Variants in MYO16 observed in about 807,000 individuals in gnomAD.
The protein encoded by MYO16 is unconventional myosin-XVI.
Under a neutral mutation model 205.3 loss-of-function variants are expected in MYO16, and 94 were observed. The ratio of observed to expected loss-of-function variants is 0.46; its 90% CI spans 0.39 to 0.54. The LOEUF is 0.54. Ranked by LOEUF, MYO16 falls within the 20% of genes least tolerant of loss-of-function variation. MYO16 has a pLI of 0.00. For missense variants in MYO16, 2,315 were observed against 2,387.5 expected, an observed-to-expected ratio of 0.97 and a Z score of 0.63; for synonymous variants, 988 against 954.0, an observed-to-expected ratio of 1.04 and a Z score of -0.66.
At chr13:109,000,426 C>A (rs1185817874) in intron 21 of MYO16, among the ~76,000 whole-genome samples, 1 of 152,202 alleles carries the variant, frequency 6.6e-6, no homozygotes, top group Non-Finnish European at 1.5e-5. Context: ...GGAGCTGCTC[C>A]AGCACAGGCC....
chr13:108,771,190 T>C (rs1364259157), intron 4 of MYO16, among the ~76,000 whole-genome samples: 3 of 152,170 alleles, frequency 2.0e-5, no homozygotes, highest in Non-Finnish European at 4.4e-5. Flanking sequence ...TATAGATATA[T>C]ACACGGGGGG....
the MYO16 span, among the ~76,000 whole-genome samples, chr13:108,533,244 A>C: frequency 6.6e-6 from 1 of 152,106 alleles, no homozygotes; most frequent in African/African-American, 2.4e-5. Flanking sequence ...ACCTCCCGAG[A>C]GGTAACTATT....
At chr13:109,198,613 TTAAC>T (rs1289695438) in intron 34 of MYO16, among the ~76,000 whole-genome samples, 1 of 152,204 alleles carries the variant, frequency 6.6e-6, no homozygotes, top group Non-Finnish European at 1.5e-5. Flanking sequence ...TTAGCATTAC[TTAAC>T]TGAGTCATCA....
intron 4 of MYO16, among the ~76,000 whole-genome samples, chr13:108,733,107 A>G (rs1884577014): frequency 6.6e-6 from 1 of 152,102 alleles, no homozygotes; most frequent in African/African-American, 2.4e-5. Flanking sequence ...TTGTGAGGTG[A>G]TTTATTCTGA....
chr13:109,036,217 G>A (rs149536244), intron 23 of MYO16, among the ~76,000 whole-genome samples: 193 of 152,250 alleles, frequency 1.3e-3, no homozygotes, highest in African/African-American at 4.3e-3. Flanking sequence ...ATCCAGTGTT[G>A]GTGGATAGAG....
intron 20 of MYO16, among the ~76,000 whole-genome samples, chr13:108,968,636 A>C (rs76810068): frequency 0.017 from 2,637 of 152,232 alleles, 52 homozygotes; most frequent in African/African-American, 0.058. Flanking sequence ...CAAAAGAAAA[A>C]AAAAGACAAT....
chr13:108,873,291 A>G (rs374163695), intron 12 of MYO16, among the ~76,000 whole-genome samples: 4 of 152,262 alleles, frequency 2.6e-5, no homozygotes, highest in East Asian at 1.9e-4. Context: ...TGACTTCTCC[A>G]TTTCATATTT....
rs117724237 is a variant in MYO16, at chr13:108,885,076, C to T, written c.1553+1890C>T. Among the ~76,000 whole-genome samples the T allele has an allele frequency of 5.4e-3, 828 of 152,328 alleles. 3 individuals carry two copies. Among genetic ancestry groups the T allele is most frequent in the Non-Finnish European group, 0.01 (686 of 68,026 alleles). On this transcript the variant is annotated intron_variant, in intron 13 of 34. Coordinates refer to ENST00000457511, the MANE Select transcript of MYO16 (RefSeq NM_001198950.3). Reference sequence around the variant, plus strand: ...AGGCACTGAGGTGGGGGCTCCAACCCATTCTAGACTCAAGGATGAGAAAGG... The same window carrying T: ...AGGCACTGAGGTGGGGGCTCCAACCTATTCTAGACTCAAGGATGAGAAAGG...
chr13:109,191,810 TA>T (rs1274981626), intron 34 of MYO16, among the ~76,000 whole-genome samples: 1 of 152,248 alleles, frequency 6.6e-6, no homozygotes, highest in Non-Finnish European at 1.5e-5. Context: ...GACTATATCA[TA>T]TTACAACCTT....
chr13:108,749,438 C>G (rs974024245), intron 4 of MYO16, among the ~76,000 whole-genome samples: 2 of 152,090 alleles, frequency 1.3e-5, no homozygotes, highest in African/African-American at 4.8e-5. Context: ...ACAAACAACC[C>G]AAATAAGAAT....
chr13:108,879,577 G>T (rs948361649), intron 12 of MYO16, among the ~76,000 whole-genome samples: 1 of 152,034 alleles, frequency 6.6e-6, no homozygotes, highest in South Asian at 2.1e-4. Context: ...CGTTCTCACT[G>T]TTCAATTCCC....
upstream of MYO16, chr13:108,629,539 A>G (rs1358296973): frequency 1.9e-5 from 6 of 317,282 alleles, no homozygotes; most frequent in East Asian, 9.9e-5. Flanking sequence ...GTGAACACCA[A>G]TTAGAGCTGA....
chr13:109,023,872 A>G (rs1242896588), intron 23 of MYO16, among the ~76,000 whole-genome samples: 4 of 138,704 alleles, frequency 2.9e-5, no homozygotes, highest in East Asian at 4.2e-4. Flanking sequence ...AATTTATTAA[A>G]TTTTATTAAA....
chr13:109,095,480 G>C (rs570485876), intron 27 of MYO16, among the ~76,000 whole-genome samples: 22 of 152,292 alleles, frequency 1.4e-4, no homozygotes, highest in Non-Finnish European at 2.8e-4. Flanking sequence ...TATTCCAAAA[G>C]ACAAGATGTT....
chr13:109,161,572 G>A (rs1878387538), intron 32 of MYO16, among the ~76,000 whole-genome samples: 1 of 152,196 alleles, frequency 6.6e-6, no homozygotes, highest in South Asian at 2.1e-4. Flanking sequence ...ACACCTGGGT[G>A]ATGGTAACTA....
At chr13:108,937,825 T>C (rs1566421753) in intron 16 of MYO16, among the ~76,000 whole-genome samples, 1 of 152,330 alleles carries the variant, frequency 6.6e-6, no homozygotes, top group East Asian at 1.9e-4. Flanking sequence ...CAACCTTGTC[T>C]TGGATCTCAA....
chr13:109,062,088 G>C (rs1352106710), intron 27 of MYO16, among the ~76,000 whole-genome samples: 1 of 152,194 alleles, frequency 6.6e-6, no homozygotes, highest in African/African-American at 2.4e-5. Context: ...GAGAAAGAGA[G>C]AGAGAGAGAT....
intron 4 of MYO16, among the ~76,000 whole-genome samples, chr13:108,729,853 G>A (rs932677): frequency 0.95 from 144,759 of 152,278 alleles, 68,954 homozygotes; most frequent in Middle Eastern, 0.99. Context: ...CCTTCTTTCT[G>A]TAGTCTCTAC....
At chr13:108,901,740 T>C (rs555011798) in intron 15 of MYO16, among the ~76,000 whole-genome samples, 15 of 152,188 alleles carry the variant, frequency 9.9e-5, no homozygotes, top group Non-Finnish European at 1.8e-4. Flanking sequence ...TGTGTTCTTT[T>C]AAAACTCTGG....
Sources: gnomAD v4.1 joint callset for allele counts (sites outside exome capture counted in the v4.1 genomes callset) on GRCh38, gnomAD v4.1.1 for gene constraint, MANE v1.5 for transcripts, NCBI Gene and HGNC (gene_info 2026-07-23, HGNC 2026-07-21) for gene names.